The following B4GALT6 variants were observed in gnomAD, a reference collection of about 807,000 sequenced individuals.
B4GALT6 encodes the protein UDP-Gal:beta-GlcNAc beta-1,4-galactosyltransferase 6.
Under a neutral mutation model 46.3 loss-of-function variants are expected in B4GALT6, and 14 were observed. That is an observed-to-expected ratio of 0.30 (90% CI 0.20 to 0.47). B4GALT6 has a LOEUF of 0.47. Among genes scored for constraint, B4GALT6 ranks in the 20% least tolerant of loss-of-function variants. The pLI is 0.99. For synonymous variants in B4GALT6, 168 were observed against 162.0 expected (o/e 1.04, Z -0.28); for missense variants, 386 against 480.1 (o/e 0.80, Z 1.83).
At chr18:31,658,158 C>T in intron 2 of B4GALT6, 69 bp from the exon 3 acceptor site, 5 of 1,091,236 alleles carry the variant, frequency 4.6e-6, no homozygotes, top group South Asian at 1.4e-5. Context: ...GAATGAAATA[C>T]GTCACTATCA....
upstream of B4GALT6, among the ~76,000 whole-genome samples, chr18:31,687,691 TTATTACC>T (rs1285360005): frequency 7.2e-5 from 11 of 152,228 alleles, no homozygotes. Flanking sequence ...TGTTCTAAGT[TTATTACC>T]ACCAAGTATT....
intron 3 of B4GALT6, among the ~76,000 whole-genome samples, chr18:31,655,668 G>C (rs181943386): frequency 1.3e-5 from 2 of 152,220 alleles, no homozygotes; most frequent in East Asian, 3.9e-4. Flanking sequence ...ACCAAGAACA[G>C]AAAGATTTCC....
At chr18:31,689,880 T>G (rs2030052312), upstream of B4GALT6, among the ~76,000 whole-genome samples, 1 of 152,154 alleles carries the variant, frequency 6.6e-6, no homozygotes, top group Non-Finnish European at 1.5e-5. Context: ...GCATACCAGC[T>G]GGGCAACTCA....
At chr18:31,643,616 A>T (rs1177044189) in intron 4 of B4GALT6, among the ~76,000 whole-genome samples, 2 of 152,056 alleles carry the variant, frequency 1.3e-5, no homozygotes, top group Non-Finnish European at 2.9e-5. Context: ...GTTCCCAGGA[A>T]CTCTTTTCCA....
Position 31,684,479 on chromosome 18 carries a change from C to CCA in B4GALT6, c.-55_-54dup, listed in dbSNP as rs2144763280. 6.3e-7 allele frequency: 1 copy of CCA among 1,592,080 alleles called. No individual in the cohort carries two copies. Among genetic ancestry groups the CCA allele is most frequent in the East Asian group, 2.3e-5 (1 of 43,640 alleles). ...CTGCGCTCTCAGGCCGGACTCGGGG[C>CCA]CACTGTCCAGGCCCTAAACTTCCAT... On this transcript the variant is annotated 5_prime_UTR_variant, in exon 1 of 9. Transcript: ENST00000306851.
upstream of B4GALT6, among the ~76,000 whole-genome samples, chr18:31,689,723 G>A (rs1474882910): frequency 4.6e-5 from 7 of 152,060 alleles, no homozygotes; most frequent in Admixed American, 3.9e-4. Flanking sequence ...CATCCTGAGC[G>A]ACAGAGCAAG....
In B4GALT6 at chr18:31,645,354, C is replaced by A; in HGVS notation, c.471+1G>T. 6.2e-7 allele frequency: 1 copy of A among 1,613,132 alleles called. No individual in the cohort carries two copies. Among genetic ancestry groups the A allele is most frequent in the Non-Finnish European group, 8.5e-7 (1 of 1,179,764 alleles). On this transcript the variant is annotated splice_donor_variant, in intron 4 of 8. Coordinates refer to ENST00000306851, the MANE Select transcript of B4GALT6 (RefSeq NM_004775.5). LOFTEE classifies it high-confidence loss of function. Reference sequence around the variant, plus strand: ...TTGCTTATGAAAAGAATTTACCTCACCTTCCATCTGGGTTTACAGTCTTTT... The same window carrying A: ...TTGCTTATGAAAAGAATTTACCTCAACTTCCATCTGGGTTTACAGTCTTTT...
chr18:31,676,664 CAGTA>C (rs919923648), intron 1 of B4GALT6, among the ~76,000 whole-genome samples: 5 of 152,242 alleles, frequency 3.3e-5, no homozygotes, highest in African/African-American at 7.2e-5. Context: ...ATCAGGTTTT[CAGTA>C]AGTAAGATTA....
At chr18:31,657,900 C>T in intron 3 of B4GALT6, 76 bp downstream of exon 3, 1 of 1,125,002 alleles carries the variant, frequency 8.9e-7, no homozygotes, top group Non-Finnish European at 1.3e-6. Flanking sequence ...GCTCCTGCTG[C>T]ACTCAAATCA....
At chr18:31,631,291 A>T in intron 5 of B4GALT6, 145 bp from the exon 6 acceptor site, 1 of 831,068 alleles carries the variant, frequency 1.2e-6, no homozygotes, top group African/African-American at 1.8e-5. Context: ...TGACCTCGTG[A>T]TCCACCCACC....
chr18:31,667,985 TAC>T (rs1202767788), intron 1 of B4GALT6, among the ~76,000 whole-genome samples: 1 of 151,384 alleles, frequency 6.6e-6, no homozygotes, highest in African/African-American at 2.4e-5. Flanking sequence ...TAACCCCAGC[TAC>T]TCAGGAGGCT....
At chr18:31,707,779 G>C in the B4GALT6 span, among the ~76,000 whole-genome samples, 1 of 152,216 alleles carries the variant, frequency 6.6e-6, no homozygotes, top group South Asian at 2.1e-4. Context: ...TGAGCAGAAA[G>C]TGGAAGTCCC....
chr18:31,634,488 G>A (rs1203087815), intron 5 of B4GALT6, among the ~76,000 whole-genome samples: 1 of 152,162 alleles, frequency 6.6e-6, no homozygotes, highest in Non-Finnish European at 1.5e-5. Context: ...CAAGCATGTG[G>A]GTTTGCACAT....
chr18:31,699,870 C>T, the B4GALT6 span, among the ~76,000 whole-genome samples: 12,266 of 151,990 alleles, frequency 0.081, 1,143 homozygotes, highest in African/African-American at 0.22. Flanking sequence ...TATTGGTTTC[C>T]CCATCTATCA....
rs149753119 is a variant in B4GALT6 at position 31,660,736 on chromosome 18, G to C, written c.233-2647C>G. Among the ~76,000 whole-genome samples the C allele has an allele frequency of 5.8e-4, 88 of 151,958 alleles. 1 individual carries two copies. The highest frequency in any genetic ancestry group is 2.0e-3 in the African/African-American group (84 of 41,452). On this transcript the variant is annotated intron_variant, in intron 2 of 8. Coordinates refer to ENST00000306851, the MANE Select transcript of B4GALT6 (RefSeq NM_004775.5). ...TTCCAAAAAGAAAGGAAAATAATAG[G>C]AAGACAAATTATCAAAGAAATAATA... is the stretch of plus-strand genomic sequence containing the variant.
Position 31,631,225 on chromosome 18 carries a change from G to A in B4GALT6, c.589-79C>T, listed in dbSNP as rs1367548027. ...CTTTTTTTTTTTTTTTCTTTTTTTTGGTATTTTTAGTAGAGATGGGGTTTC... is the reference window on the plus strand; with the variant it reads ...CTTTTTTTTTTTTTTTCTTTTTTTTAGTATTTTTAGTAGAGATGGGGTTTC... On this transcript the variant is annotated intron_variant, in intron 5 of 8. Transcript: ENST00000306851. The A allele has an allele frequency of 2.9e-5, 38 of 1,310,726 alleles. 1 individual carries two copies. The South Asian group carries it at 3.4e-4, about 12-fold the overall frequency. The allele number at this position is 1,310,726 out of a possible 1,614,324, so 81.2% of individuals were successfully genotyped here.
At chr18:31,686,591 C>T (rs2029928253), upstream of B4GALT6, 1 of 152,188 alleles carries the variant, frequency 6.6e-6, no homozygotes, top group African/African-American at 2.4e-5. Context: ...GTACTCACAA[C>T]TCAACTTCTC....
In B4GALT6 at chr18:31,626,392, G is replaced by GTT. The variant is rs2144474824; in HGVS notation, c.900-9_900-8insAA. On this transcript the variant is annotated splice_polypyrimidine_tract_variant and intron_variant, in intron 7 of 8. Coordinates refer to ENST00000306851, the MANE Select transcript of B4GALT6 (RefSeq NM_004775.5). ...TATCCAGCATAGTGAACTCTACAAT[G>GTT]CCATATATGGAAATGAAAATATAGA... 1 of 1,393,846 alleles carries GTT rather than the reference G, an allele frequency of 7.2e-7. No individual in the cohort carries two copies. Among genetic ancestry groups the GTT allele is most frequent in the East Asian group, 2.3e-5 (1 of 43,416 alleles). The allele number at this position is 1,393,846 out of a possible 1,614,324, so 86.3% of individuals were successfully genotyped here.
chr18:31,696,729 T>A, the B4GALT6 span, among the ~76,000 whole-genome samples: 83,675 of 152,072 alleles, frequency 0.55, 26,849 homozygotes, highest in South Asian at 0.74. Context: ...TTCTCTTCTC[T>A]CTATGGCATT....
Sources: gnomAD v4.1 joint callset for allele counts (sites outside exome capture counted in the v4.1 genomes callset) on GRCh38, gnomAD v4.1.1 for gene constraint, MANE v1.5 for transcripts, NCBI Gene and HGNC (gene_info 2026-07-23, HGNC 2026-07-21) for gene names.